Variants in RBMS3 observed in about 807,000 individuals in gnomAD.
RBMS3 encodes RNA-binding motif, single-stranded-interacting protein 3.
A neutral mutation model predicts 66.8 loss-of-function variants in RBMS3; 27 were observed. The ratio of observed to expected loss-of-function variants is 0.40; its 90% CI spans 0.30 to 0.56. RBMS3 has a LOEUF of 0.56. Among genes scored for constraint, RBMS3 ranks in the 20% least tolerant of loss-of-function variants. RBMS3 has a pLI of 0.40. For synonymous variants in RBMS3, 188 were observed against 183.0 expected (o/e 1.03, Z -0.22); for missense variants, 513 against 549.5 (o/e 0.93, Z 0.66).
chr3:29,835,419 T>A (rs746190422), intron 6 of RBMS3, among the ~76,000 whole-genome samples: 5 of 151,950 alleles, frequency 3.3e-5, no homozygotes, highest in Non-Finnish European at 5.9e-5. Context: ...AAGATTGTAA[T>A]CATATTAAGC....
chr3:29,784,056 T>G (rs966618926), intron 6 of RBMS3, among the ~76,000 whole-genome samples: 1 of 152,134 alleles, frequency 6.6e-6, no homozygotes, highest in Non-Finnish European at 1.5e-5. Context: ...AAACGATTAC[T>G]ACTAGATCTA....
At chr3:29,288,106 T>G (rs374305431) in intron 1 of RBMS3, among the ~76,000 whole-genome samples, 2 of 151,972 alleles carry the variant, frequency 1.3e-5, no homozygotes, top group Non-Finnish European at 2.9e-5. Context: ...AGATAATAGA[T>G]CCTATCATTT....
At chr3:29,401,993 G>A (rs918844607) in intron 1 of RBMS3, among the ~76,000 whole-genome samples, 2 of 152,014 alleles carry the variant, frequency 1.3e-5, no homozygotes, top group Non-Finnish European at 2.9e-5. Flanking sequence ...TGAAGCTGCC[G>A]ATACTGTAAT....
chr3:29,905,993 A>C (rs1432275544), intron 10 of RBMS3, among the ~76,000 whole-genome samples: 1 of 152,116 alleles, frequency 6.6e-6, no homozygotes, highest in East Asian at 1.9e-4. Flanking sequence ...ATGTACTAAA[A>C]TTTCAAATTA....
intron 2 of RBMS3, among the ~76,000 whole-genome samples, chr3:29,443,323 T>C (rs1476268620): frequency 6.6e-6 from 1 of 152,174 alleles, no homozygotes; most frequent in Non-Finnish European, 1.5e-5. Flanking sequence ...TACTTATTGA[T>C]TGTCATCTGT....
At chr3:29,997,749 G>A (rs1308663977) in intron 14 of RBMS3, among the ~76,000 whole-genome samples, 1 of 151,920 alleles carries the variant, frequency 6.6e-6, no homozygotes, top group African/African-American at 2.4e-5. Context: ...TAATAAATTA[G>A]GTATCGATGG....
chr3:29,814,450 G>T (rs1377446529), intron 6 of RBMS3, among the ~76,000 whole-genome samples: 1 of 151,980 alleles, frequency 6.6e-6, no homozygotes, highest in African/African-American at 2.4e-5. Context: ...CTCTTTTTTG[G>T]TTGTGTCTCT....
chr3:29,311,145 A>G (rs1015114849), intron 1 of RBMS3, among the ~76,000 whole-genome samples: 3 of 151,764 alleles, frequency 2.0e-5, no homozygotes, highest in African/African-American at 7.2e-5. Context: ...CTGGTTGATA[A>G]ACAGAGCTAA....
chr3:29,493,023 A>C (rs975802665), intron 3 of RBMS3, among the ~76,000 whole-genome samples: 10 of 152,216 alleles, frequency 6.6e-5, no homozygotes, highest in Admixed American at 5.2e-4. Context: ...ATTTATTCAA[A>C]TATGTTATCT....
Position 29,501,482 on chromosome 3 carries a change from G to A in RBMS3, c.307+12983G>A, listed in dbSNP as rs3773037. ...AGACAATAGAAAGCCAGTATCACAC[G>A]TAAATTTGTGAAAACATCCGACGCT... On this transcript the variant is annotated intron_variant, in intron 3 of 14. Coordinates refer to ENST00000383767, the MANE Select transcript of RBMS3 (RefSeq NM_001003793.3). Among the ~76,000 whole-genome samples, 1,161 of 152,232 alleles carry A rather than the reference G, an allele frequency of 7.6e-3. 29 individuals are homozygous for A. Among genetic ancestry groups the A allele is most frequent in the Admixed American group, 0.052 (802 of 15,284 alleles).
At chr3:29,989,530 G>T (rs530381294) in intron 13 of RBMS3, among the ~76,000 whole-genome samples, 27 of 152,254 alleles carry the variant, frequency 1.8e-4, no homozygotes, top group African/African-American at 6.5e-4. Flanking sequence ...AATTCACCAA[G>T]ACTCCCAATC....
chr3:29,519,167 C>T (rs576535933), intron 3 of RBMS3, among the ~76,000 whole-genome samples: 89 of 152,182 alleles, frequency 5.8e-4, no homozygotes, highest in African/African-American at 2.0e-3. Flanking sequence ...GTTTCAAGCC[C>T]CATAGATGTG....
At chr3:29,433,000 A>G (rs2041265318) in intron 1 of RBMS3, among the ~76,000 whole-genome samples, 1 of 152,124 alleles carries the variant, frequency 6.6e-6, no homozygotes, top group Non-Finnish European at 1.5e-5. Flanking sequence ...AGTCAGTTCT[A>G]TTTCCAGGAC....
intron 3 of RBMS3, among the ~76,000 whole-genome samples, chr3:29,520,320 G>A (rs2044807018): frequency 6.6e-6 from 1 of 152,066 alleles, no homozygotes; most frequent in African/African-American, 2.4e-5. Context: ...TATAGCTAGG[G>A]TTAAATTAAA....
chr3:29,565,131 A>G (rs978418366), intron 3 of RBMS3, among the ~76,000 whole-genome samples: 17 of 152,222 alleles, frequency 1.1e-4, no homozygotes, highest in Non-Finnish European at 7.3e-5. Context: ...TAAAATGAAG[A>G]GGGAAATTTA....
intron 1 of RBMS3, among the ~76,000 whole-genome samples, chr3:29,417,014 A>T (rs1169149444): frequency 6.6e-6 from 1 of 152,186 alleles, no homozygotes; most frequent in Non-Finnish European, 1.5e-5. Context: ...GGACAGGCAG[A>T]ATTATCTGTC....
At chr3:29,732,679 G>C (rs2054185923) in intron 4 of RBMS3, among the ~76,000 whole-genome samples, 1 of 152,090 alleles carries the variant, frequency 6.6e-6, no homozygotes. Context: ...AGGGCAGTTT[G>C]TTAACATGGA....
intron 1 of RBMS3, among the ~76,000 whole-genome samples, chr3:29,323,242 A>G (rs1191186838): frequency 6.6e-6 from 1 of 151,810 alleles, no homozygotes; most frequent in Non-Finnish European, 1.5e-5. Flanking sequence ...TATGTTTTAT[A>G]TGTTATTTTT....
intron 10 of RBMS3, among the ~76,000 whole-genome samples, chr3:29,916,609 A>C (rs570997461): frequency 6.6e-6 from 1 of 152,142 alleles, no homozygotes; most frequent in East Asian, 1.9e-4. Flanking sequence ...GCAGGCTCTT[A>C]ATTATCACAT....
Sources: gnomAD v4.1 joint callset for allele counts (sites outside exome capture counted in the v4.1 genomes callset) on GRCh38, gnomAD v4.1.1 for gene constraint, MANE v1.5 for transcripts, NCBI Gene and HGNC (gene_info 2026-07-23, HGNC 2026-07-21) for gene names.